TEX9: variants seen among roughly 807,000 people sequenced by gnomAD.
TEX9 encodes the protein testis expressed 9.
A neutral mutation model predicts 59.6 loss-of-function variants in TEX9; 74 were observed. The ratio of observed to expected loss-of-function variants is 1.24; its 90% confidence interval spans 1.03 to 1.51. The LOEUF (loss-of-function observed/expected upper bound fraction) is 1.51. Ranked by LOEUF, TEX9 falls within the 40% of genes most tolerant of loss-of-function variation. The pLI is 0.00. For missense variants in TEX9, 522 were observed against 447.8 expected (o/e 1.17, Z -1.49); for synonymous variants, 186 against 152.2 (o/e 1.22, Z -1.64).
upstream of TEX9, among the ~76,000 whole-genome samples, chr15:56,360,793 T>C (rs2046775000): frequency 6.6e-6 from 1 of 152,178 alleles, no homozygotes; most frequent in African/African-American, 2.4e-5. Context: ...TCCTCTGTCT[T>C]AGCCATTGCA....
At chr15:56,379,817 T>G (rs1308507574) in intron 3 of TEX9, among the ~76,000 whole-genome samples, 2 of 152,094 alleles carry the variant, frequency 1.3e-5, no homozygotes, top group East Asian at 3.8e-4. Flanking sequence ...TCTTACATTT[T>G]TTGTTTTGAA....
chr15:56,285,880 G>T (rs574745020), intron 1 of TEX9, among the ~76,000 whole-genome samples: 1 of 152,218 alleles, frequency 6.6e-6, no homozygotes, highest in Non-Finnish European at 1.5e-5. Context: ...ACTACAAAAT[G>T]AAAATAGTGG....
intron 1 of TEX9, among the ~76,000 whole-genome samples, chr15:56,351,912 T>G (rs2046588461): frequency 6.6e-6 from 1 of 152,210 alleles, no homozygotes; most frequent in South Asian, 2.1e-4. Flanking sequence ...TATTTTGGTT[T>G]CTTTATTTTG....
chr15:56,280,878 TA>T (rs1225532002), intron 1 of TEX9, among the ~76,000 whole-genome samples: 2 of 152,238 alleles, frequency 1.3e-5, no homozygotes. Flanking sequence ...ATAGATCTGC[TA>T]AAGTAATTTC....
intron 12 of TEX9, chr15:56,428,507 T>A: frequency 8.9e-7 from 1 of 1,127,220 alleles, no homozygotes; most frequent in Non-Finnish European, 1.3e-6. Flanking sequence ...CTTATTGTAG[T>A]GGTTTGAATT....
At chr15:56,330,576 G>T (rs1176656157) in intron 1 of TEX9, among the ~76,000 whole-genome samples, 5 of 152,070 alleles carry the variant, frequency 3.3e-5, no homozygotes, top group Admixed American at 1.3e-4. Flanking sequence ...GCTTTAGTTA[G>T]TTCATGCAAG....
chr15:56,297,027 G>GCAACAACAA (rs201959634), intron 1 of TEX9, among the ~76,000 whole-genome samples: 3 of 151,756 alleles, frequency 2.0e-5, no homozygotes, highest in African/African-American at 4.8e-5. Flanking sequence ...AGCTAAAACA[G>GCAACAACAA]CAACAACAAC....
At chr15:56,421,175 T>G (rs1162199139) in intron 10 of TEX9, among the ~76,000 whole-genome samples, 5 of 151,946 alleles carry the variant, frequency 3.3e-5, no homozygotes, top group African/African-American at 1.2e-4. Context: ...TTTGTCTATT[T>G]TCCCTTTCAG....
At chr15:56,427,639 T>C in exon 11 of TEX9, 1 of 1,545,400 alleles carries the variant, frequency 6.5e-7, no homozygotes, top group South Asian at 1.3e-5. Flanking sequence ...AAAATTGAAG[T>C]GTTAAAATCA....
At chr15:56,383,279 G>C (rs1164446367) in intron 3 of TEX9, among the ~76,000 whole-genome samples, 2 of 152,242 alleles carry the variant, frequency 1.3e-5, no homozygotes, top group African/African-American at 4.8e-5. Flanking sequence ...GAGTCAGGAA[G>C]GGGTGGTGTC....
exon 7 of TEX9, chr15:56,391,387 T>A: frequency 6.4e-7 from 1 of 1,559,904 alleles, no homozygotes; most frequent in Non-Finnish European, 8.7e-7. Flanking sequence ...TAGATGATAT[T>A]TTTTCTGGTG....
intron 1 of TEX9, among the ~76,000 whole-genome samples, chr15:56,343,046 A>C (rs183668887): frequency 6.6e-6 from 1 of 152,330 alleles, no homozygotes; most frequent in African/African-American, 2.4e-5. Context: ...CAAGAAAAAT[A>C]GAATGGTAAC....
chr15:56,452,178 G>C, the TEX9 span, among the ~76,000 whole-genome samples: 6 of 152,102 alleles, frequency 3.9e-5, no homozygotes, highest in African/African-American at 1.4e-4. Flanking sequence ...GGAGGATACA[G>C]GACTCAGCAT....
At chr15:56,372,467 T>C (rs1433310883) in intron 2 of TEX9, among the ~76,000 whole-genome samples, 1 of 152,196 alleles carries the variant, frequency 6.6e-6, no homozygotes, top group Non-Finnish European at 1.5e-5. Context: ...AAATGTGACA[T>C]CTCAACAGGA....
chr15:56,269,127 T>A (rs1454983946), intron 1 of TEX9, among the ~76,000 whole-genome samples: 6 of 152,198 alleles, frequency 3.9e-5, no homozygotes, highest in African/African-American at 1.4e-4. Flanking sequence ...GTTTATAGTA[T>A]TCTCTGATGG....
At chr15:56,267,282 G>C (rs1596053325) in intron 1 of TEX9, among the ~76,000 whole-genome samples, 3 of 152,300 alleles carry the variant, frequency 2.0e-5, no homozygotes, top group African/African-American at 7.2e-5. Context: ...TAGGTTGCCT[G>C]TTCACTCTGA....
chr15:56,327,249 C>A (rs1256971602), intron 1 of TEX9, among the ~76,000 whole-genome samples: 2 of 152,046 alleles, frequency 1.3e-5, no homozygotes, highest in African/African-American at 4.8e-5. Context: ...ATATAGTACG[C>A]CATAATTTAT....
intron 12 of TEX9, among the ~76,000 whole-genome samples, chr15:56,435,904 T>C (rs1332512741): frequency 6.6e-6 from 1 of 151,930 alleles, no homozygotes; most frequent in African/African-American, 2.4e-5. Context: ...CTTAACCCAA[T>C]ATTAGAAAAA....
intron 9 of TEX9, chr15:56,409,951 A>G (rs899377328): frequency 1.3e-5 from 2 of 152,058 alleles, no homozygotes; most frequent in Non-Finnish European, 1.5e-5. Flanking sequence ...ACATATGTCT[A>G]TGTGTATATA....
Sources: allele counts gnomAD v4.1 joint callset (sites outside exome capture counted in the v4.1 genomes callset), GRCh38; gene constraint gnomAD v4.1.1; transcripts MANE v1.5; gene names NCBI Gene and HGNC (gene_info 2026-07-23, HGNC 2026-07-21).